The following IQSEC3 variants were observed in gnomAD, a reference collection of about 807,000 sequenced individuals.
IQSEC3 encodes the protein IQ motif and Sec7 domain ArfGEF 3, also known as IQ motif and SEC7 domain-containing protein 3.
IQSEC3 carries 50 observed loss-of-function variants against 105.4 expected under a neutral mutation model. The observed-to-expected ratio is 0.47, with a 90% CI of 0.38 to 0.60. The LOEUF is 0.60. Among genes scored for constraint, IQSEC3 ranks in the 20% least tolerant of loss-of-function variants. IQSEC3 has a pLI of 0.00. For synonymous variants in IQSEC3, 708 were observed against 746.0 expected, an observed-to-expected ratio of 0.95 and a Z score of 0.83; for missense variants, 1,415 against 1,630.0, an observed-to-expected ratio of 0.87 and a Z score of 2.27.
chr12:134,406 G>A (rs184633687), intron 3 of IQSEC3, among the ~76,000 whole-genome samples: 6 of 152,330 alleles, frequency 3.9e-5, no homozygotes, highest in African/African-American at 1.2e-4. Flanking sequence ...GTCTCCTAGG[G>A]TTATGTCAGC....
At chr12:102,292 G>A (rs576175032) in intron 2 of IQSEC3, among the ~76,000 whole-genome samples, 5 of 152,176 alleles carry the variant, frequency 3.3e-5, no homozygotes, top group Non-Finnish European at 7.4e-5. Flanking sequence ...GGATTTCTGG[G>A]ATCAGCAGTT....
chr12:85,433 C>T (rs928073230), intron 1 of IQSEC3, among the ~76,000 whole-genome samples: 1 of 152,256 alleles, frequency 6.6e-6, no homozygotes, highest in Admixed American at 6.5e-5. Flanking sequence ...TGTGCTGCCA[C>T]GCCTGGCACT....
At chr12:149,512 C>T (rs569740083) in intron 5 of IQSEC3, among the ~76,000 whole-genome samples, 13 of 152,280 alleles carry the variant, frequency 8.5e-5, no homozygotes, top group East Asian at 1.9e-4. Flanking sequence ...CTCCAGCTGC[C>T]GGCATGCAGT....
Position 125,914 on chromosome 12 carries a change from T to C in IQSEC3, c.903+2T>C. 2.0e-6 allele frequency: 3 copies of C among 1,532,332 alleles called. No homozygotes were observed. The highest frequency in any genetic ancestry group is 2.6e-6 in the Non-Finnish European group (3 of 1,145,886). The allele number at this position is 1,532,332 out of a possible 1,614,324, so 94.9% of individuals were successfully genotyped here. ...TCCCTTGACCTAAAGAATAAACAGG[T>C]ACCCAGGGCCTCCTAGGGGGGCGGG... On this transcript the variant is annotated splice_donor_variant, in intron 3 of 13. Transcript: ENST00000538872. LOFTEE classifies it high-confidence loss of function.
chr12:171,486 C>T, intron 13 of IQSEC3: 1 of 633,256 alleles, frequency 1.6e-6, no homozygotes, highest in South Asian at 1.9e-5. Flanking sequence ...TCCACCTCCC[C>T]AGCAAATGCT....
chr12:76,131 C>CACA lies in IQSEC3; in HGVS notation c.554+8696_554+8697insCAA, dbSNP rs1450642817. On this transcript the variant is annotated intron_variant, in intron 1 of 13. Coordinates refer to ENST00000538872, the MANE Select transcript of IQSEC3 (RefSeq NM_001170738.2). ...ACACACACACACACACACACACACACAAGGCCTCAGCAGGTGGAGTGAGAA... is the reference window on the plus strand; with the variant it reads ...ACACACACACACACACACACACACACACAAAGGCCTCAGCAGGTGGAGTGAGAA... Among the ~76,000 whole-genome samples the CACA allele has an allele frequency of 8.3e-5, 12 of 144,130 alleles. No homozygotes were observed. In the South Asian group the frequency reaches 1.1e-3, roughly 13 times the overall value. The allele number at this position is 144,130 out of a possible 152,430, so 94.6% of individuals were successfully genotyped here.
rs782678287 is a variant in IQSEC3 at position 157,729 on chromosome 12, G to A, written c.2443+35G>A. 3.1e-6 allele frequency: 5 copies of A among 1,593,542 alleles called. No homozygotes were observed. The East Asian group carries it at 9.0e-5, about 29-fold the overall frequency. ...TGGGCACTGGGGCAGGAGGGGCAAGGCCACGGCTCAGGCCCCATTCTGTGC... is the reference window on the plus strand; with the variant it reads ...TGGGCACTGGGGCAGGAGGGGCAAGACCACGGCTCAGGCCCCATTCTGTGC... On this transcript the variant is annotated intron_variant, in intron 7 of 13. Coordinates refer to ENST00000538872, the MANE Select transcript of IQSEC3 (RefSeq NM_001170738.2).
At chr12:113,513 T>A (rs1387425035) in intron 2 of IQSEC3, among the ~76,000 whole-genome samples, 1 of 152,226 alleles carries the variant, frequency 6.6e-6, no homozygotes, top group Non-Finnish European at 1.5e-5. Flanking sequence ...ACTCCCCAGG[T>A]GCCACTGCCA....
chr12:175,296 T>C lies in IQSEC3; in HGVS notation c.*263T>C. 2.3e-6 allele frequency: 1 copy of C among 432,482 alleles called. No homozygotes were observed. Among genetic ancestry groups the C allele is most frequent in the Non-Finnish European group, 4.1e-6 (1 of 245,500 alleles). The allele number at this position is 432,482 out of a possible 1,614,324, so 26.8% of individuals were successfully genotyped here. A position where few individuals can be genotyped will look rare whatever the true frequency, so the allele number is the denominator to read the frequency against. ...AGCCAGACCCGGCGAGGCCTCCTCT[T>C]CCCCTGGCCACCACTTTCCCCCATT... is the stretch of plus-strand genomic sequence containing the variant. On this transcript the variant is annotated 3_prime_UTR_variant, in exon 14 of 14. Coordinates refer to ENST00000538872, the MANE Select transcript of IQSEC3 (RefSeq NM_001170738.2).
At position 164,302 on chromosome 12, in the gene IQSEC3, G is replaced by A. The variant is rs563088726; in HGVS notation, c.2709+683G>A. Among the ~76,000 whole-genome samples the A allele has an allele frequency of 9.9e-5, 15 of 152,138 alleles. No homozygotes were observed. In the South Asian group the frequency reaches 2.5e-3, roughly 25 times the overall value. ...CTCCACTACTACAGTCTTAGTGCAC[G>A]CCTGGTACATTCAGTGAACCACATC... On this transcript the variant is annotated intron_variant, in intron 9 of 13. Coordinates refer to ENST00000538872, the MANE Select transcript of IQSEC3 (RefSeq NM_001170738.2).
At chr12:90,443 A>C (rs1291050181) in intron 1 of IQSEC3, among the ~76,000 whole-genome samples, 5 of 152,110 alleles carry the variant, frequency 3.3e-5, no homozygotes, top group African/African-American at 1.2e-4. Context: ...ATTTTCTTTG[A>C]GATGTGTTAT....
At chr12:163,659 T>C (rs782196719) in intron 9 of IQSEC3, 40 bp downstream of exon 9, 1 of 1,161,990 alleles carries the variant, frequency 8.6e-7, no homozygotes, top group East Asian at 2.4e-5. Flanking sequence ...GGGCTGGGGC[T>C]GCCTCTGCCG....
intron 2 of IQSEC3, among the ~76,000 whole-genome samples, chr12:107,692 G>C (rs879991949): frequency 2.0e-5 from 3 of 152,014 alleles, no homozygotes; most frequent in East Asian, 1.9e-4. Context: ...TTACAGGCGT[G>C]AGCCACCGCG....
chr12:171,929 C>G (rs112473627), intron 13 of IQSEC3, among the ~76,000 whole-genome samples: 15 of 152,158 alleles, frequency 9.9e-5, no homozygotes, highest in African/African-American at 2.7e-4. Context: ...CCTGCCAAAC[C>G]CCCCCAGTGC....
Position 138,204 on chromosome 12 carries a change from C to T in IQSEC3, c.904-63C>T, listed in dbSNP as rs1409564215. ...GTGTGGCCGGGTGACTCCACCACTC[C>T]TCAGAAGGGCTGACCACCCTTCCCC... is the stretch of plus-strand genomic sequence containing the variant. On this transcript the variant is annotated intron_variant, in intron 3 of 13. Coordinates refer to ENST00000538872, the MANE Select transcript of IQSEC3 (RefSeq NM_001170738.2). This position sits in a 1 kb window ranked among gnomAD's most constrained non-coding sequence, Gnocchi z 7.1. 3.4e-6 allele frequency: 5 copies of T among 1,469,980 alleles called. No individual in the cohort carries two copies. In the African/African-American group the frequency reaches 5.6e-5, roughly 16 times the overall value. 91.1% of individuals were successfully genotyped at this position (1,469,980 alleles called of 1,614,324 possible).
At chr12:166,700 T>C (rs1938669456) in intron 11 of IQSEC3, among the ~76,000 whole-genome samples, 1 of 152,226 alleles carries the variant, frequency 6.6e-6, no homozygotes, top group Non-Finnish European at 1.5e-5. Context: ...AGTTATAAAG[T>C]GTTTCTGAAC....
intron 5 of IQSEC3, among the ~76,000 whole-genome samples, chr12:153,885 G>A (rs782248410): frequency 1.6e-4 from 25 of 152,148 alleles, no homozygotes; most frequent in African/African-American, 4.1e-4. Flanking sequence ...AGGAACAACC[G>A]GGAGATCTTG....
intron 1 of IQSEC3, among the ~76,000 whole-genome samples, chr12:75,677 G>A (rs1863491406): frequency 6.6e-6 from 1 of 152,378 alleles, no homozygotes; most frequent in South Asian, 2.1e-4. Flanking sequence ...TGGGAGATGA[G>A]AGTCAAACTC....
intron 5 of IQSEC3, chr12:142,208 TC>T (rs1371806571): frequency 6.6e-6 from 1 of 152,212 alleles, no homozygotes; most frequent in Non-Finnish European, 1.5e-5. Flanking sequence ...CCTTTCATCC[TC>T]GCTCCTGGAG....
Sources: gnomAD v4.1 joint callset for allele counts (sites outside exome capture counted in the v4.1 genomes callset) on GRCh38, gnomAD v4.1.1 for gene constraint, Gnocchi (gnomAD v3.1) non-coding constraint, MANE v1.5 for transcripts, NCBI Gene and HGNC (gene_info 2026-07-23, HGNC 2026-07-21) for gene names.